Variants in PTGER4 observed in about 807,000 individuals in gnomAD.
PTGER4 encodes prostaglandin E receptor 4.
Under a neutral mutation model 33.2 loss-of-function variants are expected in PTGER4, and 11 were observed. That is an observed-to-expected ratio of 0.33 (90% CI 0.21 to 0.55). The LOEUF is 0.55. PTGER4 is among the 20% of genes least tolerant of loss of function. PTGER4 has a pLI of 0.92. For synonymous variants in PTGER4, 275 were observed against 281.5 expected (o/e 0.98, Z 0.23); for missense variants, 481 against 650.2 (o/e 0.74, Z 2.83).
chr5:40,731,413 G>A, the PTGER4 span, among the ~76,000 whole-genome samples: 1 of 152,106 alleles, frequency 6.6e-6, no homozygotes, highest in South Asian at 2.1e-4. Context: ...CTGCAATAAA[G>A]AACTGCCCAA....
chr5:40,744,140 G>T, the PTGER4 span, among the ~76,000 whole-genome samples: 1 of 152,198 alleles, frequency 6.6e-6, no homozygotes, highest in East Asian at 1.9e-4. Flanking sequence ...ATTCATAAAT[G>T]AGGAGAATTT....
chr5:40,701,225 C>T, the PTGER4 span, among the ~76,000 whole-genome samples: 1 of 152,092 alleles, frequency 6.6e-6, no homozygotes, highest in Non-Finnish European at 1.5e-5. Flanking sequence ...TGGATAGGAA[C>T]AAAGATCATC....
In PTGER4 at chr5:40,681,485, G is replaced by C. The variant is rs770669192; in HGVS notation, c.492G>C (p.Gln164His). The C allele has an allele frequency of 6.2e-7, 1 of 1,613,370 alleles. No individual in the cohort carries two copies. The highest frequency in any genetic ancestry group is 1.3e-5 in the African/African-American group (1 of 74,946). ...PNMGLGSSRLQYPDTWCFIDW... is the reference protein window; with the variant it reads ...PNMGLGSSRLHYPDTWCFIDW... ...TGGGTCTCGGTAGCTCGCGGCTGCA[G>C]TACCCAGACACCTGGTGCTTCATCG... The change falls in exon 2 of 3, where the codon CAG becomes CAC. Residue 164 changes from glutamine (Q) to histidine (H), a missense_variant. Physicochemically the swap from Gln to His is conservative, Grantham distance 24. This residue lies in a region of PTGER4 where 2 missense variants were observed against 16.5 expected (regional missense o/e 0.12). Transcript: ENST00000302472. The surrounding 1 kb of genome is among the most constrained non-coding windows in gnomAD (Gnocchi z 9.8).
chr5:40,722,480 C>A, the PTGER4 span, among the ~76,000 whole-genome samples: 54 of 151,614 alleles, frequency 3.6e-4, no homozygotes, highest in East Asian at 7.4e-3. Flanking sequence ...TGCCTGGCGG[C>A]CCATCGTCTG....
Position 40,692,588 on chromosome 5 carries a change from T to G in PTGER4, c.*210T>G. ...TGCAGCACGTCGGATGCTACCCCACTATGACAGAGGATTGTGGTCACAACT... is the reference window on the plus strand; with the variant it reads ...TGCAGCACGTCGGATGCTACCCCACGATGACAGAGGATTGTGGTCACAACT... On this transcript the variant is annotated 3_prime_UTR_variant, in exon 3 of 3. Transcript: ENST00000302472. The G allele has an allele frequency of 7.5e-7, 1 of 1,337,480 alleles. No homozygotes were observed. The highest frequency in any genetic ancestry group is 9.6e-7 in the Non-Finnish European group (1 of 1,044,936). The allele number at this position is 1,337,480 out of a possible 1,614,324, so 82.9% of individuals were successfully genotyped here. A position where few individuals can be genotyped will look rare whatever the true frequency, so the allele number is the denominator to read the frequency against.
At chr5:40,725,557 G>A in the PTGER4 span, among the ~76,000 whole-genome samples, 1 of 152,120 alleles carries the variant, frequency 6.6e-6, no homozygotes, top group Non-Finnish European at 1.5e-5. Flanking sequence ...ATTACACAGA[G>A]CCCGAAGAAG....
At chr5:40,744,365 T>C in the PTGER4 span, among the ~76,000 whole-genome samples, 1 of 152,086 alleles carries the variant, frequency 6.6e-6, no homozygotes, top group Non-Finnish European at 1.5e-5. Flanking sequence ...TATTAAGTTA[T>C]AATAAAAGAT....
At chr5:40,728,281 C>CA in the PTGER4 span, 473 of 317,806 alleles carry the variant, frequency 1.5e-3, no homozygotes, top group African/African-American at 0.014. Flanking sequence ...GACTCCATCT[C>CA]AAAAAAAAAA....
chr5:40,688,824 A>G (rs1398030162), intron 2 of PTGER4, among the ~76,000 whole-genome samples: 1 of 152,192 alleles, frequency 6.6e-6, no homozygotes, highest in South Asian at 2.1e-4. Flanking sequence ...GTAGTTTCTA[A>G]AAGTATTTCA....
At chr5:40,707,638 C>T in the PTGER4 span, among the ~76,000 whole-genome samples, 2 of 152,114 alleles carry the variant, frequency 1.3e-5, no homozygotes, top group African/African-American at 4.8e-5. Flanking sequence ...AGAAAGTTAA[C>T]AAGGATATCC....
chr5:40,691,759 G>A lies in PTGER4; in HGVS notation c.868-20G>A. On this transcript the variant is annotated intron_variant, in intron 2 of 2. Coordinates refer to ENST00000302472, the MANE Select transcript of PTGER4 (RefSeq NM_000958.3). The surrounding 1 kb of genome is among the most constrained non-coding windows in gnomAD (Gnocchi z 4.2). ...AATTGATTAATGATGAAATCTAAAT[G>A]TGCGATCTCACTTATGCAGGTGCGA... is the stretch of plus-strand genomic sequence containing the variant. 6 of 1,596,648 alleles carry A rather than the reference G, an allele frequency of 3.8e-6. No homozygotes were observed. Among genetic ancestry groups the A allele is most frequent in the Non-Finnish European group, 5.1e-6 (6 of 1,171,680 alleles).
intron 2 of PTGER4, among the ~76,000 whole-genome samples, chr5:40,688,596 G>C (rs1741388859): frequency 6.6e-6 from 1 of 152,208 alleles, no homozygotes; most frequent in Non-Finnish European, 1.5e-5. Context: ...CCAACAGGGT[G>C]GGGGACATCC....
the PTGER4 span, chr5:40,730,370 C>A: frequency 2.0e-5 from 31 of 1,572,100 alleles, no homozygotes; most frequent in Non-Finnish European, 2.3e-5. Context: ...TATATCAATG[C>A]CATATTTTCA....
intron 2 of PTGER4, among the ~76,000 whole-genome samples, chr5:40,685,946 TA>T (rs149023642): frequency 4.0e-5 from 6 of 151,080 alleles, no homozygotes; most frequent in East Asian, 3.9e-4. Context: ...AACAAACAAA[TA>T]AAAAAAAACA....
At chr5:40,720,724 A>T in the PTGER4 span, among the ~76,000 whole-genome samples, 1 of 152,160 alleles carries the variant, frequency 6.6e-6, no homozygotes, top group South Asian at 2.1e-4. Context: ...AGGCTCCTGC[A>T]CCCTGGATGA....
chr5:40,688,907 TA>T (rs1741397365), intron 2 of PTGER4, among the ~76,000 whole-genome samples: 1 of 152,226 alleles, frequency 6.6e-6, no homozygotes, highest in African/African-American at 2.4e-5. Flanking sequence ...AGGAAGATAT[TA>T]ATTTCATCTT....
chr5:40,711,905 G>A, the PTGER4 span, among the ~76,000 whole-genome samples: 2 of 152,116 alleles, frequency 1.3e-5, no homozygotes, highest in African/African-American at 4.8e-5. Context: ...GACTAGGGAT[G>A]GCTGTTCAGG....
At chr5:40,732,634 C>G in the PTGER4 span, among the ~76,000 whole-genome samples, 1 of 151,948 alleles carries the variant, frequency 6.6e-6, no homozygotes, top group African/African-American at 2.4e-5. Flanking sequence ...CAGTCTTGCT[C>G]TGTCACCCAG....
the PTGER4 span, chr5:40,716,465 A>C: frequency 6.2e-7 from 1 of 1,605,820 alleles, no homozygotes; most frequent in Non-Finnish European, 8.5e-7. Context: ...TTCATTGGAT[A>C]GATGTGAAGG....
Sources: gnomAD v4.1 joint callset for allele counts (sites outside exome capture counted in the v4.1 genomes callset) on GRCh38, gnomAD v4.1.1 for gene constraint, gnomAD v4.1.1 regional missense constraint, Gnocchi (gnomAD v3.1) non-coding constraint, MANE v1.5 for transcripts, NCBI Gene and HGNC (gene_info 2026-07-23, HGNC 2026-07-21) for gene names.